MGAT4C: variants seen among roughly 807,000 people sequenced by gnomAD.
MGAT4C encodes MGAT4 family member C.
Under a neutral mutation model 40.1 loss-of-function variants are expected in MGAT4C, and 19 were observed. The ratio of observed to expected loss-of-function variants is 0.47; its 90% CI spans 0.33 to 0.70. The LOEUF (loss-of-function observed/expected upper bound fraction) is 0.70, where lower values mean the gene tolerates loss of function less well. MGAT4C is among the 30% of genes least tolerant of loss of function. The pLI is 0.02. For missense variants in MGAT4C, 491 were observed against 563.2 expected (o/e 0.87, Z 1.30); for synonymous variants, 181 against 187.1 (o/e 0.97, Z 0.27).
At chr12:86,639,743 G>T (rs1963325245) in intron 2 of MGAT4C, among the ~76,000 whole-genome samples, 1 of 151,598 alleles carries the variant, frequency 6.6e-6, no homozygotes, top group Non-Finnish European at 1.5e-5. Context: ...TCATTTAAAT[G>T]CTGTATAATA....
At chr12:85,993,275 G>A (rs950314108) in intron 2 of MGAT4C, among the ~76,000 whole-genome samples, 1 of 152,218 alleles carries the variant, frequency 6.6e-6, no homozygotes, top group African/African-American at 2.4e-5. Context: ...TTTTGGAAAT[G>A]AGCTTTATAT....
At chr12:86,440,245 C>A (rs1957203072) in intron 2 of MGAT4C, among the ~76,000 whole-genome samples, 1 of 151,970 alleles carries the variant, frequency 6.6e-6, no homozygotes, top group Non-Finnish European at 1.5e-5. Context: ...TATTAGCAAA[C>A]CAAATTCGAC....
intron 1 of MGAT4C, among the ~76,000 whole-genome samples, chr12:86,190,053 A>G (rs1428871685): frequency 6.6e-6 from 1 of 152,082 alleles, no homozygotes; most frequent in Admixed American, 6.6e-5. Context: ...AGGACATTTG[A>G]TGACACCTTT....
rs550829352 is a variant in MGAT4C, at chr12:86,698,872, T to C, written c.-229+28337A>G. Among the ~76,000 whole-genome samples, 8 of 152,202 alleles carry C rather than the reference T, an allele frequency of 5.3e-5. No homozygotes were observed. In the East Asian group the frequency reaches 1.5e-3, roughly 29 times the overall value. Reference sequence around the variant, plus strand: ...GCCTAGTGTTAGAGCTGCAAGTAATTGCTAAACTCCCACGTGCCTCAGGGG... The same window carrying C: ...GCCTAGTGTTAGAGCTGCAAGTAATCGCTAAACTCCCACGTGCCTCAGGGG... On this transcript the variant is annotated intron_variant, in intron 2 of 7. Coordinates refer to the MGAT4C transcript ENST00000548651.
chr12:86,579,685 C>T (rs915940162), intron 2 of MGAT4C, among the ~76,000 whole-genome samples: 2 of 151,466 alleles, frequency 1.3e-5, no homozygotes, highest in East Asian at 1.9e-4. Context: ...TCATTAATGT[C>T]CCTTTCTTTC....
chr12:86,190,269 T>C (rs539978738), intron 1 of MGAT4C, among the ~76,000 whole-genome samples: 16 of 152,222 alleles, frequency 1.1e-4, no homozygotes, highest in African/African-American at 3.9e-4. Flanking sequence ...TTATTTGCTA[T>C]TACAGTTTAA....
chr12:86,655,546 G>T (rs2136541178), intron 2 of MGAT4C, among the ~76,000 whole-genome samples: 1 of 151,978 alleles, frequency 6.6e-6, no homozygotes, highest in Admixed American at 6.6e-5. Flanking sequence ...TCCACAACTT[G>T]AATGCCATAT....
Position 86,298,008 on chromosome 12 carries a change from G to A in MGAT4C, c.-57+36057C>T, listed in dbSNP as rs147628945. ...GATATGTGGATGTAATTGATAGGTT[G>A]TTATATAAATACATACATGCATAAA... On this transcript the variant is annotated intron_variant, in intron 4 of 7. Transcript: ENST00000548651. Among the ~76,000 whole-genome samples the A allele has an allele frequency of 1.7e-3, 257 of 152,240 alleles. 4 individuals carry two copies. Among genetic ancestry groups the A allele is most frequent in the African/African-American group, 5.9e-3 (244 of 41,558 alleles).
intron 3 of MGAT4C, among the ~76,000 whole-genome samples, chr12:86,337,716 G>T (rs183659311): frequency 1.8e-4 from 27 of 152,006 alleles, no homozygotes; most frequent in Non-Finnish European, 2.4e-4. Context: ...TTAACTAAAA[G>T]TCGACATTTA....
At chr12:86,214,839 C>T (rs1461932256) in intron 1 of MGAT4C, among the ~76,000 whole-genome samples, 1 of 152,170 alleles carries the variant, frequency 6.6e-6, no homozygotes, top group African/African-American at 2.4e-5. Flanking sequence ...CACAGCAATA[C>T]TTGAAACATA....
intron 2 of MGAT4C, among the ~76,000 whole-genome samples, chr12:86,562,017 G>A (rs1299365545): frequency 1.3e-5 from 2 of 152,152 alleles, no homozygotes; most frequent in Non-Finnish European, 2.9e-5. Flanking sequence ...CACTGCTCTT[G>A]AGAGGCAAGG....
At chr12:86,172,626 CATTT>C (rs1886971355) in intron 1 of MGAT4C, among the ~76,000 whole-genome samples, 3 of 152,044 alleles carry the variant, frequency 2.0e-5, no homozygotes, top group Admixed American at 2.0e-4. Context: ...ATTTATCATT[CATTT>C]AACTTTTGAA....
intron 1 of MGAT4C, among the ~76,000 whole-genome samples, chr12:86,157,194 G>A (rs76327770): frequency 9.9e-5 from 15 of 151,276 alleles, no homozygotes; most frequent in East Asian, 5.8e-4. Flanking sequence ...TTTTTTTAAC[G>A]GAAAGTGCAT....
intron 1 of MGAT4C, among the ~76,000 whole-genome samples, chr12:86,766,657 T>C (rs939804980): frequency 6.6e-6 from 1 of 151,362 alleles, no homozygotes; most frequent in African/African-American, 2.4e-5. Flanking sequence ...ACAGAAATTA[T>C]AACAAACTAT....
intron 2 of MGAT4C, among the ~76,000 whole-genome samples, chr12:86,521,457 G>A (rs962061675): frequency 6.6e-6 from 1 of 152,054 alleles, no homozygotes; most frequent in Non-Finnish European, 1.5e-5. Context: ...GTACTATGCT[G>A]CTCTGTTTAC....
At chr12:86,589,024 C>G (rs1276073702) in intron 2 of MGAT4C, among the ~76,000 whole-genome samples, 6 of 149,756 alleles carry the variant, frequency 4.0e-5, no homozygotes, top group South Asian at 2.2e-4. Flanking sequence ...CATTCAAAAG[C>G]TAGCAGAAGG....
chr12:86,280,295 A>G (rs1164584981), intron 4 of MGAT4C, among the ~76,000 whole-genome samples: 1 of 151,992 alleles, frequency 6.6e-6, no homozygotes. Flanking sequence ...CTCTAATAAT[A>G]TTTGCTTCAT....
intron 2 of MGAT4C, among the ~76,000 whole-genome samples, chr12:86,639,541 G>GA (rs1252997838): frequency 6.6e-6 from 1 of 151,484 alleles, no homozygotes; most frequent in South Asian, 2.1e-4. Context: ...AGAACCATAA[G>GA]AAAAAATACA....
chr12:86,322,862 A>G (rs1468895686), intron 4 of MGAT4C, among the ~76,000 whole-genome samples: 2 of 152,094 alleles, frequency 1.3e-5, no homozygotes, highest in Non-Finnish European at 2.9e-5. Flanking sequence ...TCAGTTTTAA[A>G]TTTATAGTAA....
Sources: gnomAD v4.1 joint callset for allele counts (sites outside exome capture counted in the v4.1 genomes callset) on GRCh38, gnomAD v4.1.1 for gene constraint, MANE v1.5 for transcripts, NCBI Gene and HGNC (gene_info 2026-07-23, HGNC 2026-07-21) for gene names.